OSBPL10: variants seen among roughly 807,000 people sequenced by gnomAD.
The protein encoded by OSBPL10 is oxysterol-binding protein-related protein 10.
OSBPL10 carries 49 observed loss-of-function variants against 81.7 expected under a neutral mutation model. The observed-to-expected ratio is 0.60, with a 90% CI of 0.48 to 0.76. The LOEUF (loss-of-function observed/expected upper bound fraction) is 0.76, where lower values mean the gene tolerates loss of function less well. OSBPL10 is among the 30% of genes least tolerant of loss of function. OSBPL10 has a pLI of 0.00. For synonymous variants in OSBPL10, 419 were observed against 383.6 expected, an observed-to-expected ratio of 1.09 and a Z score of -1.08; for missense variants, 923 against 987.8, an observed-to-expected ratio of 0.93 and a Z score of 0.88.
intron 6 of OSBPL10, among the ~76,000 whole-genome samples, chr3:31,730,601 C>T (rs1696946117): frequency 6.6e-6 from 1 of 152,148 alleles, no homozygotes; most frequent in Non-Finnish European, 1.5e-5. Context: ...GTTCTAGCCC[C>T]AGCAGAATAA....
intron 2 of OSBPL10, among the ~76,000 whole-genome samples, chr3:32,024,513 A>G (rs764781344): frequency 8.1e-4 from 102 of 125,726 alleles, no homozygotes; most frequent in Non-Finnish European, 1.5e-3. Flanking sequence ...TTTTTGAGAC[A>G]AAGTCTCACT....
chr3:31,674,014 G>A (rs1355336197), intron 8 of OSBPL10, among the ~76,000 whole-genome samples: 2 of 152,020 alleles, frequency 1.3e-5, no homozygotes, highest in Non-Finnish European at 2.9e-5. Context: ...TAAAACTCTT[G>A]GGCTCAAGTG....
chr3:31,857,468 T>G, intron 3 of OSBPL10, among the ~76,000 whole-genome samples: 1 of 151,954 alleles, frequency 6.6e-6, no homozygotes, highest in East Asian at 2.0e-4. Flanking sequence ...CATCAGTGAC[T>G]GCCTGATGGA....
At chr3:31,831,887 G>A (rs1191760985) in intron 3 of OSBPL10, among the ~76,000 whole-genome samples, 5 of 152,178 alleles carry the variant, frequency 3.3e-5, no homozygotes, top group African/African-American at 1.2e-4. Flanking sequence ...GTATCCTCCA[G>A]ACATACCTGC....
chr3:31,789,163 G>A lies in OSBPL10; in HGVS notation c.729+40877C>T, dbSNP rs1353767679. On this transcript the variant is annotated intron_variant, in intron 4 of 11. Coordinates refer to ENST00000396556, the MANE Select transcript of OSBPL10 (RefSeq NM_017784.5). ...CCAGCTAATTATTGTATGTTTAGTA[G>A]AGAGGGGTTTCACCATGTTGGTCAT... Among the ~76,000 whole-genome samples, 5 of 152,170 alleles carry A rather than the reference G, an allele frequency of 3.3e-5. No individual in the cohort carries two copies. In the East Asian group the frequency reaches 7.7e-4, roughly 23 times the overall value.
chr3:32,000,059 A>G (rs750997811), intron 2 of OSBPL10, among the ~76,000 whole-genome samples: 19 of 152,106 alleles, frequency 1.2e-4, no homozygotes, highest in Non-Finnish European at 2.6e-4. Context: ...CTCATGGTCC[A>G]ATGGTTATCT....
At chr3:31,712,031 C>G (rs1013493302) in intron 6 of OSBPL10, among the ~76,000 whole-genome samples, 4 of 151,892 alleles carry the variant, frequency 2.6e-5, no homozygotes, top group Admixed American at 6.6e-5. Flanking sequence ...CTTAAAGTAG[C>G]CAAGAGAAGG....
chr3:31,827,164 CAGCTTCCCA>C (rs1700121059), intron 4 of OSBPL10, among the ~76,000 whole-genome samples: 1 of 152,098 alleles, frequency 6.6e-6, no homozygotes, highest in Admixed American at 6.6e-5. Context: ...CCTCTCACCT[CAGCTTCCCA>C]AGTAGCTGGA....
chr3:31,968,144 C>T (rs558348092), intron 1 of OSBPL10, among the ~76,000 whole-genome samples: 13 of 152,026 alleles, frequency 8.6e-5, no homozygotes, highest in Admixed American at 3.3e-4. Context: ...AACATAATGC[C>T]CCTTTACCCT....
At position 32,048,310 on chromosome 3, in the gene OSBPL10, A is replaced by ATTTTTTT. The variant is rs71068027; in HGVS notation, n.186-1714_186-1708dup. Among the ~76,000 whole-genome samples the ATTTTTTT allele has an allele frequency of 8.2e-4, 111 of 134,550 alleles. 2 individuals carry two copies. The highest frequency in any genetic ancestry group is 2.8e-3 in the East Asian group (13 of 4,566). The allele number at this position is 134,550 out of a possible 152,430, so 88.3% of individuals were successfully genotyped here. ...GTCATCTCTCCTAGACACTACTACT[A>ATTTTTTT]TTTTTTTTTTTTTTTTTTGAGACAG... On this transcript the variant is annotated intron_variant and non_coding_transcript_variant, in intron 1 of 3. Coordinates refer to the OSBPL10 transcript ENST00000479173.
At chr3:32,071,718 A>T (rs1209417977) in intron 1 of OSBPL10, among the ~76,000 whole-genome samples, 2 of 152,160 alleles carry the variant, frequency 1.3e-5, no homozygotes, top group Non-Finnish European at 2.9e-5. Flanking sequence ...CCTGACACAT[A>T]TACTTTCTGC....
At chr3:32,040,041 G>A (rs925750404) in intron 2 of OSBPL10, among the ~76,000 whole-genome samples, 11 of 152,242 alleles carry the variant, frequency 7.2e-5, no homozygotes, top group African/African-American at 2.4e-4. Flanking sequence ...TTGGCAGTTC[G>A]TCAATAAGTA....
intron 2 of OSBPL10, among the ~76,000 whole-genome samples, chr3:32,015,944 C>A (rs1235605691): frequency 6.6e-6 from 1 of 152,134 alleles, no homozygotes; most frequent in Non-Finnish European, 1.5e-5. Flanking sequence ...AGTCAGGGAA[C>A]AACAGGTGCT....
chr3:31,990,242 A>G, intron 2 of OSBPL10: 5 of 1,614,114 alleles, frequency 3.1e-6, no homozygotes, highest in South Asian at 1.1e-5. Flanking sequence ...CTTATTCACC[A>G]TCAAGCAATC....
Position 31,830,242 on chromosome 3 carries a change from C to A in OSBPL10, c.538-11G>T. 1 of 1,605,528 alleles carries A rather than the reference C, an allele frequency of 6.2e-7. No homozygotes were observed. Among genetic ancestry groups the A allele is most frequent in the South Asian group, 1.1e-5 (1 of 89,576 alleles). On this transcript the variant is annotated splice_polypyrimidine_tract_variant and intron_variant, in intron 3 of 11. Transcript: ENST00000396556. ...GGAGCTTGGAGCACTCTAGAATAAG[C>A]AACAGGTGTCAAAACTCAACAACTG...
At chr3:32,044,471 G>A (rs1699605820) in intron 2 of OSBPL10, among the ~76,000 whole-genome samples, 1 of 150,996 alleles carries the variant, frequency 6.6e-6, no homozygotes, top group African/African-American at 2.4e-5. Flanking sequence ...GTCGGGTGCT[G>A]TGGCTCACAC....
intron 4 of OSBPL10, among the ~76,000 whole-genome samples, chr3:31,810,297 T>C (rs565574080): frequency 3.9e-5 from 6 of 152,342 alleles, no homozygotes; most frequent in African/African-American, 1.4e-4. Context: ...CTAAAAGTCA[T>C]TGAGCTGTAA....
intron 1 of OSBPL10, among the ~76,000 whole-genome samples, chr3:31,898,987 A>T (rs1696149263): frequency 8.8e-6 from 1 of 113,912 alleles, no homozygotes; most frequent in East Asian, 2.7e-4. Context: ...TTTGAGACAG[A>T]GTCTCGGTCT....
chr3:32,057,934 G>T (rs917117465), intron 1 of OSBPL10, among the ~76,000 whole-genome samples: 2 of 152,192 alleles, frequency 1.3e-5, no homozygotes, highest in African/African-American at 2.4e-5. Flanking sequence ...AAAGGAACTG[G>T]CCTGTGGCAA....
Sources: allele counts gnomAD v4.1 joint callset (sites outside exome capture counted in the v4.1 genomes callset), GRCh38; gene constraint gnomAD v4.1.1; transcripts MANE v1.5; gene names NCBI Gene and HGNC (gene_info 2026-07-23, HGNC 2026-07-21).